The following STOX1 variants were observed in gnomAD, a reference collection of about 807,000 sequenced individuals.
STOX1 encodes the protein storkhead-box protein 1.
A neutral mutation model predicts 74.8 loss-of-function variants in STOX1; 57 were observed. The ratio of observed to expected loss-of-function variants is 0.76; its 90% CI spans 0.62 to 0.95. The LOEUF (loss-of-function observed/expected upper bound fraction) is 0.95, where lower values mean the gene tolerates loss of function less well. Among genes scored for constraint, STOX1 ranks in the 40% least tolerant of loss-of-function variants. The pLI, the probability that STOX1 is intolerant of heterozygous loss-of-function variation, is 0.00. For synonymous variants in STOX1, 375 were observed against 401.3 expected, an observed-to-expected ratio of 0.93 and a Z score of 0.78; for missense variants, 1,010 against 1,117.0, an observed-to-expected ratio of 0.90 and a Z score of 1.37.
chr10:68,846,460 T>G (rs540520497), intron 1 of STOX1, among the ~76,000 whole-genome samples: 27 of 152,246 alleles, frequency 1.8e-4, no homozygotes, highest in Admixed American at 1.4e-3. Context: ...AGAGGTTGAT[T>G]ATTATTTTTT....
chr10:68,850,607 A>G (rs1178041765), intron 1 of STOX1, among the ~76,000 whole-genome samples: 1 of 152,246 alleles, frequency 6.6e-6, no homozygotes, highest in Non-Finnish European at 1.5e-5. Flanking sequence ...GATTAGGGCA[A>G]TATTTCCCAA....
Position 68,884,628 on chromosome 10 carries a change from T to C in STOX1, c.832T>C (p.Trp278Arg). The C allele has an allele frequency of 6.2e-7, 1 of 1,614,030 alleles. No individual in the cohort carries two copies. Among genetic ancestry groups the C allele is most frequent in the East Asian group, 2.2e-5 (1 of 44,882 alleles). Reference protein sequence around the residue: ...SHRGLGESVSWVQNGAVSVSA... With the variant: ...SHRGLGESVSRVQNGAVSVSA... ...CAGAGGTCTTGGGGAATCCGTATCT[T>C]GGGTACAGAATGGGGCAGTTTCAGT... Residue 278 changes from tryptophan to arginine, a missense_variant, in exon 3 of 4, where the codon TGG becomes CGG. Coordinates refer to ENST00000298596, the MANE Select transcript of STOX1 (RefSeq NM_152709.5).
At chr10:68,884,089 G>T (rs760657585) in intron 2 of STOX1, among the ~76,000 whole-genome samples, 171 bp from the exon 3 acceptor site, 1 of 152,194 alleles carries the variant, frequency 6.6e-6, no homozygotes, top group South Asian at 2.1e-4. Flanking sequence ...AAAACTCTGG[G>T]ATTATAGGCA....
intron 1 of STOX1, among the ~76,000 whole-genome samples, chr10:68,850,100 C>T (rs182761156): frequency 2.0e-5 from 3 of 152,200 alleles, no homozygotes; most frequent in African/African-American, 2.4e-5. Flanking sequence ...CTACAACCTC[C>T]ACCTCCCGGG....
chr10:68,840,468 C>T (rs538198874), intron 1 of STOX1, among the ~76,000 whole-genome samples: 20 of 152,170 alleles, frequency 1.3e-4, no homozygotes, highest in Non-Finnish European at 2.5e-4. Flanking sequence ...CCACATTGCC[C>T]AGGCTCGGCT....
chr10:68,854,347 A>G (rs868534306), intron 1 of STOX1, among the ~76,000 whole-genome samples: 12 of 151,698 alleles, frequency 7.9e-5, no homozygotes, highest in African/African-American at 2.7e-4. Context: ...GCTGGAGTCT[A>G]TTGGTGCAAT....
intron 1 of STOX1, among the ~76,000 whole-genome samples, chr10:68,863,763 G>T (rs1205857232): frequency 1.3e-5 from 2 of 152,056 alleles, no homozygotes; most frequent in African/African-American, 4.8e-5. Flanking sequence ...TTTCAACTGT[G>T]TAGGATGAAC....
At position 68,884,825 on chromosome 10, in the gene STOX1, C is replaced by G; in HGVS notation, c.1029C>G (p.Pro343=). Residue 343 remains proline (P), a synonymous_variant, in exon 3 of 4, where the codon CCC becomes CCG. Coordinates refer to ENST00000298596, the MANE Select transcript of STOX1 (RefSeq NM_152709.5). ...FSAQFPPEEW[P]VRDEDDLDNI... ...CTCAGTTCCCACCTGAAGAATGGCCCGTCCGAGATGAAGATGACTTGGACA... is the reference window on the plus strand; with the variant it reads ...CTCAGTTCCCACCTGAAGAATGGCCGGTCCGAGATGAAGATGACTTGGACA... The G allele has an allele frequency of 6.2e-7, 1 of 1,614,062 alleles. No homozygotes were observed. The highest frequency in any genetic ancestry group is 8.5e-7 in the Non-Finnish European group (1 of 1,180,020).
At chr10:68,877,539 A>G (rs1840709146) in intron 1 of STOX1, among the ~76,000 whole-genome samples, 1 of 152,220 alleles carries the variant, frequency 6.6e-6, no homozygotes, top group Non-Finnish European at 1.5e-5. Context: ...ATGAAAATCT[A>G]TCTTGACTAT....
intron 1 of STOX1, among the ~76,000 whole-genome samples, chr10:68,830,007 G>A (rs1227609504): frequency 7.9e-5 from 12 of 152,122 alleles, no homozygotes; most frequent in Non-Finnish European, 1.8e-4. Flanking sequence ...AGAGGGAGTG[G>A]GATGCAGGGT....
At chr10:68,863,342 G>T (rs2133564187) in intron 1 of STOX1, among the ~76,000 whole-genome samples, 1 of 152,040 alleles carries the variant, frequency 6.6e-6, no homozygotes, top group East Asian at 1.9e-4. Context: ...ATTGTGACTG[G>T]TTGTCCCGCC....
At chr10:68,853,996 T>C (rs1840057243) in intron 1 of STOX1, among the ~76,000 whole-genome samples, 1 of 151,510 alleles carries the variant, frequency 6.6e-6, no homozygotes, top group African/African-American at 2.4e-5. Flanking sequence ...TTTTCTTTTT[T>C]TTTTTCTTTT....
chr10:68,880,177 T>TTG (rs1159217204), intron 1 of STOX1, among the ~76,000 whole-genome samples: 3 of 150,010 alleles, frequency 2.0e-5, no homozygotes, highest in African/African-American at 7.4e-5. Context: ...TTTTTTTTTT[T>TTG]TTTTTGTTTT....
chr10:68,848,817 A>G (rs1210184921), intron 1 of STOX1, among the ~76,000 whole-genome samples: 2 of 152,050 alleles, frequency 1.3e-5, no homozygotes, highest in Non-Finnish European at 2.9e-5. Flanking sequence ...CACTCTTGCT[A>G]CCATGCCTGG....
intron 1 of STOX1, among the ~76,000 whole-genome samples, chr10:68,830,591 C>T (rs557198785): frequency 2.6e-5 from 4 of 152,256 alleles, no homozygotes; most frequent in African/African-American, 7.2e-5. Context: ...GAACTGCCTG[C>T]CTCAGCCTCC....
Position 68,885,773 on chromosome 10 carries a change from G to A in STOX1, c.1977G>A (p.Val659=). Residue 659 remains valine (V), a synonymous_variant, in exon 3 of 4, where the codon GTG becomes GTA. Coordinates refer to ENST00000298596, the MANE Select transcript of STOX1 (RefSeq NM_152709.5). ...GAACACCCTCTGCTTGTAGATTAGT[G>A]GATAACACAATACACCAGTTTCAAA... is the stretch of plus-strand genomic sequence containing the variant. ...SDRTPSACRL[V]DNTIHQFQNL... is the part of the protein sequence containing the mutation. The A allele has an allele frequency of 6.2e-7, 1 of 1,614,028 alleles. No individual in the cohort carries two copies.
At chr10:68,857,510 A>T (rs573500971) in intron 1 of STOX1, among the ~76,000 whole-genome samples, 26 of 152,074 alleles carry the variant, frequency 1.7e-4, no homozygotes, top group Non-Finnish European at 3.1e-4. Context: ...TTCCCTTCAG[A>T]TGTAAACACA....
Position 68,827,623 on chromosome 10 carries a change from C to T in STOX1, c.-1C>T, listed in dbSNP as rs1205887381. 10 of 1,150,452 alleles carry T rather than the reference C, an allele frequency of 8.7e-6. No individual in the cohort carries two copies. The highest frequency in any genetic ancestry group is 8.2e-5 in the African/African-American group (5 of 60,880). The allele number at this position is 1,150,452 out of a possible 1,614,324, so 71.3% of individuals were successfully genotyped here. On this transcript the variant is annotated 5_prime_UTR_variant, in exon 1 of 4. Coordinates refer to ENST00000298596, the MANE Select transcript of STOX1 (RefSeq NM_152709.5). ...GCGGGCTCCCGGCCGCCGGCGAAAG[C>T]ATGGCCCGGCCCGTGCAGCTGGCGC...
chr10:68,894,307 C>T (rs1301716282), downstream of STOX1, among the ~76,000 whole-genome samples: 4 of 152,114 alleles, frequency 2.6e-5, no homozygotes, highest in Non-Finnish European at 5.9e-5. Flanking sequence ...GATTCGCCTG[C>T]CTCGGCTTCC....
Sources: allele counts gnomAD v4.1 joint callset (sites outside exome capture counted in the v4.1 genomes callset), GRCh38; gene constraint gnomAD v4.1.1; transcripts MANE v1.5; gene names NCBI Gene and HGNC (gene_info 2026-07-23, HGNC 2026-07-21).